The following TMEM108 variants were observed in gnomAD, a reference collection of about 807,000 sequenced individuals.
TMEM108 encodes transmembrane protein 108, also known as cancer/testis antigen 124.
TMEM108 carries 12 observed loss-of-function variants against 35.1 expected under a neutral mutation model. That is an observed-to-expected ratio of 0.34 (90% confidence interval 0.22 to 0.55). The LOEUF is 0.55. TMEM108 is among the 20% of genes least tolerant of loss of function. TMEM108 has a pLI of 0.89. For missense variants in TMEM108, 680 were observed against 753.3 expected (o/e 0.90, Z 1.14); for synonymous variants, 287 against 308.6 (o/e 0.93, Z 0.73).
chr3:133,361,422 G>A (rs932804364), intron 3 of TMEM108, among the ~76,000 whole-genome samples: 9 of 152,222 alleles, frequency 5.9e-5, no homozygotes, highest in Admixed American at 2.0e-4. Flanking sequence ...AGGTTATCAT[G>A]TGGGTTTAAT....
At position 133,250,750 on chromosome 3, in the gene TMEM108, T is replaced by A. The variant is rs150628409; in HGVS notation, c.40+21399T>A. ...CTACCATATGATTTGGGGGGATTTC[T>A]GTTCTGATATGGAAATAATACTGAG... On this transcript the variant is annotated intron_variant, in intron 3 of 5. Coordinates refer to ENST00000321871, the MANE Select transcript of TMEM108 (RefSeq NM_023943.4). Among the ~76,000 whole-genome samples, 342 of 152,324 alleles carry A rather than the reference T, an allele frequency of 2.2e-3. 2 individuals are homozygous for A. Among genetic ancestry groups the A allele is most frequent in the African/African-American group, 7.7e-3 (321 of 41,572 alleles).
chr3:133,233,431 G>C (rs1946185933), intron 3 of TMEM108, among the ~76,000 whole-genome samples: 2 of 152,110 alleles, frequency 1.3e-5, no homozygotes, highest in South Asian at 2.1e-4. Flanking sequence ...TCTTAATCCA[G>C]TCTGTCATTG....
chr3:133,283,195 G>A (rs569746799), intron 3 of TMEM108, among the ~76,000 whole-genome samples: 26 of 152,158 alleles, frequency 1.7e-4, no homozygotes, highest in African/African-American at 5.3e-4. Flanking sequence ...GTGAGGTGGC[G>A]GTGGTTTATA....
At chr3:133,187,490 C>T (rs1945437356) in intron 2 of TMEM108, among the ~76,000 whole-genome samples, 1 of 152,188 alleles carries the variant, frequency 6.6e-6, no homozygotes, top group Admixed American at 6.5e-5. Flanking sequence ...TGGCTCACGC[C>T]TGTAGTCCCA....
Position 133,071,886 on chromosome 3 carries a change from G to A in TMEM108, c.-47+25866G>A, listed in dbSNP as rs898580524. On this transcript the variant is annotated intron_variant, in intron 2 of 5. Transcript: ENST00000321871. ...TTTTGCTTTTGTTGCCAGTGCTTCTGATATCATATCCAAGAAATCACCAAG... is the reference window on the plus strand; with the variant it reads ...TTTTGCTTTTGTTGCCAGTGCTTCTAATATCATATCCAAGAAATCACCAAG... Among the ~76,000 whole-genome samples, 3 of 152,112 alleles carry A rather than the reference G, an allele frequency of 2.0e-5. No homozygotes were observed. In the East Asian group the frequency reaches 5.8e-4, roughly 29 times the overall value.
chr3:133,284,331 G>T (rs138837545), intron 3 of TMEM108, among the ~76,000 whole-genome samples: 1 of 152,168 alleles, frequency 6.6e-6, no homozygotes, highest in African/African-American at 2.4e-5. Flanking sequence ...ACCCTCTGTT[G>T]AAAGTCTCAT....
At chr3:133,225,557 C>T (rs1295259618) in intron 2 of TMEM108, among the ~76,000 whole-genome samples, 2 of 152,114 alleles carry the variant, frequency 1.3e-5, no homozygotes, top group African/African-American at 4.8e-5. Context: ...TTCTTCCTCA[C>T]CCTAGCTGGA....
At chr3:133,378,656 G>A in intron 3 of TMEM108, 2 of 448,538 alleles carry the variant, frequency 4.5e-6, no homozygotes, top group Non-Finnish European at 5.9e-6. Flanking sequence ...TGTCATGCTT[G>A]CATGAGGTAC....
chr3:133,159,940 A>G (rs949450811), intron 2 of TMEM108, among the ~76,000 whole-genome samples: 66 of 152,342 alleles, frequency 4.3e-4, no homozygotes, highest in African/African-American at 1.5e-3. Context: ...GAGAGAATGT[A>G]ATGGCTTGGC....
chr3:133,311,038 T>C (rs926706284), intron 3 of TMEM108, among the ~76,000 whole-genome samples: 1 of 152,236 alleles, frequency 6.6e-6, no homozygotes, highest in Non-Finnish European at 1.5e-5. Context: ...TGTAAGAATG[T>C]TGAATATTGA....
chr3:133,137,170 A>G lies in TMEM108; in HGVS notation c.-47+91150A>G, dbSNP rs566972496. Among the ~76,000 whole-genome samples, 277 of 152,274 alleles carry G rather than the reference A, an allele frequency of 1.8e-3. 1 individual carries two copies. Among genetic ancestry groups the G allele is most frequent in the African/African-American group, 6.4e-3 (267 of 41,552 alleles). ...AGTGGTGACATATGTGAACGCATGA[A>G]CAATGCTAGGCATTGTACCTAAATT... On this transcript the variant is annotated intron_variant, in intron 2 of 5. Coordinates refer to ENST00000321871, the MANE Select transcript of TMEM108 (RefSeq NM_023943.4).
At chr3:133,388,302 G>A (rs1258386296) in intron 4 of TMEM108, 1 of 983,772 alleles carries the variant, frequency 1.0e-6, no homozygotes, top group Non-Finnish European at 1.2e-6. Context: ...GGGGACCCGG[G>A]ATCTTGTCCC....
chr3:133,360,749 G>A (rs937409212), intron 3 of TMEM108, among the ~76,000 whole-genome samples: 1 of 152,136 alleles, frequency 6.6e-6, no homozygotes, highest in Non-Finnish European at 1.5e-5. Context: ...GTCATTTTGG[G>A]TGTACCACCT....
chr3:133,128,516 G>T (rs1944446160), intron 2 of TMEM108, among the ~76,000 whole-genome samples: 1 of 152,232 alleles, frequency 6.6e-6, no homozygotes, highest in South Asian at 2.1e-4. Flanking sequence ...TTTATTGCCT[G>T]TAAAATAAAG....
At chr3:133,266,994 G>T (rs1204242786) in intron 3 of TMEM108, among the ~76,000 whole-genome samples, 1 of 150,912 alleles carries the variant, frequency 6.6e-6, no homozygotes, top group African/African-American at 2.4e-5. Context: ...GCAGGAGAAT[G>T]GCGTGAACCC....
chr3:133,122,433 T>C (rs1451496812), intron 2 of TMEM108, among the ~76,000 whole-genome samples: 1 of 152,226 alleles, frequency 6.6e-6, no homozygotes, highest in Non-Finnish European at 1.5e-5. Flanking sequence ...AAGACCCCTG[T>C]GTTAGTTACG....
intron 2 of TMEM108, among the ~76,000 whole-genome samples, chr3:133,181,008 T>TAAAAAAAAAAAAAAAAAAAAAAAAAAAA (rs369228472): frequency 4.0e-5 from 3 of 75,864 alleles, no homozygotes; most frequent in Non-Finnish European, 7.5e-5. Flanking sequence ...GCAGTTGTGT[T>TAAAAAAAAAAAAAAAAAAAAAAAAAAAA]AAAAAAAAAA....
chr3:133,064,264 G>T (rs1001192848), intron 2 of TMEM108, among the ~76,000 whole-genome samples: 1 of 152,074 alleles, frequency 6.6e-6, no homozygotes, highest in African/African-American at 2.4e-5. Context: ...CAAGCCAAAA[G>T]AAATTAAATA....
chr3:133,277,667 T>C (rs1297099411), intron 3 of TMEM108, among the ~76,000 whole-genome samples: 1 of 152,244 alleles, frequency 6.6e-6, no homozygotes, highest in Non-Finnish European at 1.5e-5. Flanking sequence ...TTAACCTTGC[T>C]GAGCCTTAGT....
Sources: allele counts gnomAD v4.1 joint callset (sites outside exome capture counted in the v4.1 genomes callset), GRCh38; gene constraint gnomAD v4.1.1; transcripts MANE v1.5; gene names NCBI Gene and HGNC (gene_info 2026-07-23, HGNC 2026-07-21).